DISC1: variants seen among roughly 807,000 people sequenced by gnomAD.
DISC1 encodes the protein disrupted in schizophrenia 1 protein.
A neutral mutation model predicts 84.5 loss-of-function variants in DISC1; 57 were observed. The ratio of observed to expected loss-of-function variants is 0.67; its 90% CI spans 0.55 to 0.84. DISC1 has a LOEUF of 0.84. Among genes scored for constraint, DISC1 ranks in the 40% least tolerant of loss-of-function variants. The pLI is 0.00. For synonymous variants in DISC1, 411 were observed against 415.2 expected (o/e 0.99, Z 0.12); for missense variants, 1,000 against 1,057.8 (o/e 0.95, Z 0.76).
chr1:231,903,689 G>C (rs971759245), intron 9 of DISC1, among the ~76,000 whole-genome samples: 3 of 152,210 alleles, frequency 2.0e-5, no homozygotes, highest in African/African-American at 7.2e-5. Context: ...AAGGCCTTTA[G>C]GCCACAGTGT....
chr1:231,808,512 G>A (rs201400263), intron 8 of DISC1, among the ~76,000 whole-genome samples: 24 of 152,178 alleles, frequency 1.6e-4, no homozygotes, highest in Non-Finnish European at 3.1e-4. Context: ...TCATCTAGCT[G>A]TCTGTTCTGA....
At chr1:232,008,074 C>T (rs1667681871) in intron 10 of DISC1, among the ~76,000 whole-genome samples, 3 of 152,236 alleles carry the variant, frequency 2.0e-5, no homozygotes, top group African/African-American at 7.2e-5. Flanking sequence ...CCACACTGAA[C>T]TGTGAGTCAA....
At chr1:231,669,338 C>T (rs2062341445) in intron 1 of DISC1, among the ~76,000 whole-genome samples, 1 of 152,046 alleles carries the variant, frequency 6.6e-6, no homozygotes, top group Non-Finnish European at 1.5e-5. Flanking sequence ...GATGAAGATG[C>T]CAAAGCAATT....
At position 231,647,569 on chromosome 1, in the gene DISC1, A is replaced by C. The variant is rs554740976; in HGVS notation, c.67+20635A>C. Among the ~76,000 whole-genome samples the C allele has an allele frequency of 1.1e-3, 169 of 152,258 alleles. No homozygotes were observed. In the Middle Eastern group the frequency reaches 0.024, roughly 21 times the overall value. ...TCTTTTTTGGTTCCATATGAACTTT[A>C]AAGTAGTTTTTTCCAATTCTGTGAA... On this transcript the variant is annotated intron_variant, in intron 1 of 12. Coordinates refer to ENST00000439617, the MANE Select transcript of DISC1 (RefSeq NM_018662.3).
rs74333678 is a variant in DISC1, at chr1:232,026,425, C to T, written c.2308-10C>T. 83 of 1,574,590 alleles carry T rather than the reference C, an allele frequency of 5.3e-5. No individual in the cohort carries two copies. The South Asian group carries it at 8.2e-4, about 16-fold the overall frequency. On this transcript the variant is annotated splice_polypyrimidine_tract_variant and intron_variant, in intron 11 of 12. Transcript: ENST00000439617. ...ACTAACAAGTGATCTTGTTTTCCCC[C>T]TCTCGCCAGGAATCTTACATCCTTT... is the stretch of plus-strand genomic sequence containing the variant.
intron 9 of DISC1, among the ~76,000 whole-genome samples, chr1:231,931,216 C>T (rs919443149): frequency 3.3e-5 from 5 of 152,066 alleles, no homozygotes; most frequent in South Asian, 2.1e-4. Flanking sequence ...TCCTGGTGGT[C>T]GTTAATACGA....
At chr1:231,817,014 A>G (rs1055466732) in intron 8 of DISC1, among the ~76,000 whole-genome samples, 3 of 151,852 alleles carry the variant, frequency 2.0e-5, no homozygotes, top group African/African-American at 4.8e-5. Context: ...TGTTGCCCAG[A>G]CAAGAGTGTA....
At chr1:231,984,063 A>G (rs1381134896) in intron 10 of DISC1, among the ~76,000 whole-genome samples, 1 of 152,220 alleles carries the variant, frequency 6.6e-6, no homozygotes, top group African/African-American at 2.4e-5. Flanking sequence ...ATGAGCAGTC[A>G]GTCTAACTCC....
chr1:231,798,117 A>ACACACACACACACACG (rs1334734701), intron 7 of DISC1, among the ~76,000 whole-genome samples: 2 of 150,622 alleles, frequency 1.3e-5, no homozygotes, highest in Non-Finnish European at 2.9e-5. Context: ...GACACACCAC[A>ACACACACACACACACG]CACACACACA....
At chr1:231,704,637 G>A (rs2124930418) in intron 3 of DISC1, among the ~76,000 whole-genome samples, 1 of 152,026 alleles carries the variant, frequency 6.6e-6, no homozygotes, top group African/African-American at 2.4e-5. Context: ...GCAGGCGCCT[G>A]TAGTCCCAGC....
At chr1:231,743,733 G>A (rs1055212678) in intron 3 of DISC1, among the ~76,000 whole-genome samples, 6 of 152,338 alleles carry the variant, frequency 3.9e-5, no homozygotes, top group Middle Eastern at 3.4e-3. Context: ...CACAGACTGA[G>A]AGATCTGCTA....
At chr1:231,689,103 C>T (rs2064671420) in intron 1 of DISC1, among the ~76,000 whole-genome samples, 1 of 152,170 alleles carries the variant, frequency 6.6e-6, no homozygotes, top group Admixed American at 6.5e-5. Context: ...ATCTTACACC[C>T]CAACCATGAC....
chr1:231,634,503 C>G (rs2059024482), intron 1 of DISC1, among the ~76,000 whole-genome samples: 1 of 152,164 alleles, frequency 6.6e-6, no homozygotes, highest in African/African-American at 2.4e-5. Flanking sequence ...GTTATAGCTG[C>G]AGGCCAAGCA....
intron 7 of DISC1, among the ~76,000 whole-genome samples, chr1:231,798,208 T>C (rs201518040): frequency 2.6e-5 from 4 of 151,942 alleles, no homozygotes; most frequent in Non-Finnish European, 4.4e-5. Flanking sequence ...TTGCACTCAT[T>C]ACATTTCTTA....
At chr1:231,661,809 TGGA>T (rs546424599) in intron 1 of DISC1, among the ~76,000 whole-genome samples, 5 of 152,200 alleles carry the variant, frequency 3.3e-5, no homozygotes, top group South Asian at 2.1e-4. Context: ...TACTGTCATT[TGGA>T]GGAGAAGAGC....
intron 8 of DISC1, among the ~76,000 whole-genome samples, chr1:231,803,023 A>G (rs2125658580): frequency 6.6e-6 from 1 of 152,336 alleles, no homozygotes; most frequent in East Asian, 1.9e-4. Flanking sequence ...CTAATAAAAA[A>G]TAAGTCACTT....
rs533143752 is a variant in DISC1, at chr1:231,918,351, G to A, written c.1982-40477G>A. Among the ~76,000 whole-genome samples, 17 of 152,358 alleles carry A rather than the reference G, an allele frequency of 1.1e-4. No homozygotes were observed. The Middle Eastern group carries it at 0.01, about 91-fold the overall frequency. The stretch of plus-strand genomic sequence containing the variant: ...TGTGAGATTACAGAGGATAGACTCA[G>A]AGCTGAATGGTAGCCTATCAATAAC... On this transcript the variant is annotated intron_variant, in intron 9 of 12. Coordinates refer to ENST00000439617, the MANE Select transcript of DISC1 (RefSeq NM_018662.3).
intron 10 of DISC1, among the ~76,000 whole-genome samples, chr1:231,970,647 A>G (rs568617408): frequency 6.6e-6 from 1 of 152,366 alleles, no homozygotes; most frequent in Middle Eastern, 3.4e-3. Flanking sequence ...GAAGAAAAAG[A>G]TGACCATGAC....
chr1:231,757,027 C>T (rs17748992), intron 4 of DISC1, among the ~76,000 whole-genome samples: 11,049 of 152,204 alleles, frequency 0.073, 456 homozygotes, highest in Admixed American at 0.097. Context: ...TGGACAGAAA[C>T]CGCTCTCACA....
Sources: gnomAD v4.1 joint callset for allele counts (sites outside exome capture counted in the v4.1 genomes callset) on GRCh38, gnomAD v4.1.1 for gene constraint, MANE v1.5 for transcripts, NCBI Gene and HGNC (gene_info 2026-07-23, HGNC 2026-07-21) for gene names.